The following CNTNAP2 variants were observed in gnomAD, a reference collection of about 807,000 sequenced individuals.
CNTNAP2 encodes contactin associated protein 2, also known as contactin-associated protein-like 2.
In CNTNAP2, 98 loss-of-function variants were observed where a neutral mutation model predicts 155.2. The ratio of observed to expected loss-of-function variants is 0.63; its 90% confidence interval spans 0.54 to 0.75. The LOEUF is 0.75. Ranked by LOEUF, CNTNAP2 falls within the 30% of genes least tolerant of loss-of-function variation. CNTNAP2 has a pLI of 0.00. For missense variants in CNTNAP2, 1,727 were observed against 1,688.1 expected, an observed-to-expected ratio of 1.02 and a Z score of -0.40; for synonymous variants, 651 against 631.2, an observed-to-expected ratio of 1.03 and a Z score of -0.47.
intron 13 of CNTNAP2, among the ~76,000 whole-genome samples, chr7:147,733,801 T>C (rs77179645): frequency 0.97 from 147,343 of 152,294 alleles, 71,434 homozygotes; most frequent in East Asian, 1. Flanking sequence ...GGAATTTACT[T>C]GTGATTTGGC....
At chr7:146,373,068 A>G (rs1795258258) in intron 1 of CNTNAP2, among the ~76,000 whole-genome samples, 2 of 152,202 alleles carry the variant, frequency 1.3e-5, no homozygotes, top group South Asian at 4.1e-4. Context: ...CAGCATGCTG[A>G]ATGGTAAGAT....
At chr7:146,498,424 A>G (rs927581780) in intron 1 of CNTNAP2, among the ~76,000 whole-genome samples, 3 of 152,194 alleles carry the variant, frequency 2.0e-5, no homozygotes, top group African/African-American at 7.2e-5. Flanking sequence ...TATAGATTGC[A>G]ATGCTTGAAA....
intron 15 of CNTNAP2, among the ~76,000 whole-genome samples, chr7:148,010,597 T>A (rs1802061491): frequency 6.6e-6 from 1 of 151,874 alleles, no homozygotes; most frequent in South Asian, 2.1e-4. Flanking sequence ...AAATTTTCCA[T>A]CATCAAACAT....
At chr7:147,819,759 C>T (rs1405281220) in intron 13 of CNTNAP2, among the ~76,000 whole-genome samples, 2 of 152,222 alleles carry the variant, frequency 1.3e-5, no homozygotes, top group African/African-American at 2.4e-5. Context: ...ATTCATTTCA[C>T]CTGTTGTGGA....
chr7:146,117,205 C>T (rs182131597), intron 1 of CNTNAP2: 156 of 556,922 alleles, frequency 2.8e-4, no homozygotes, highest in Non-Finnish European at 3.2e-5. Flanking sequence ...TGTTCCTGGT[C>T]TTGGTGATCG....
intron 9 of CNTNAP2, among the ~76,000 whole-genome samples, chr7:147,368,084 T>C (rs1796272541): frequency 6.9e-5 from 3 of 43,612 alleles, no homozygotes; most frequent in Non-Finnish European, 1.4e-4. Flanking sequence ...CCTCCTTTCC[T>C]CTCTCTCTCT....
At chr7:147,774,371 C>T (rs998955180) in intron 13 of CNTNAP2, among the ~76,000 whole-genome samples, 1 of 152,128 alleles carries the variant, frequency 6.6e-6, no homozygotes, top group Non-Finnish European at 1.5e-5. Flanking sequence ...TGGTTCACTA[C>T]ATGACATAGA....
chr7:148,118,626 A>T (rs1563205117), intron 16 of CNTNAP2, among the ~76,000 whole-genome samples: 1 of 152,144 alleles, frequency 6.6e-6, no homozygotes, highest in South Asian at 2.1e-4. Flanking sequence ...AAAATAGGTG[A>T]GGGGTGTGTG....
intron 3 of CNTNAP2, among the ~76,000 whole-genome samples, chr7:146,929,726 A>T (rs985853780): frequency 6.6e-6 from 1 of 152,348 alleles, no homozygotes. Context: ...AGAATAACCA[A>T]TACAGAGAAG....
At chr7:147,836,679 G>A (rs562969606) in intron 13 of CNTNAP2, among the ~76,000 whole-genome samples, 44 of 152,296 alleles carry the variant, frequency 2.9e-4, no homozygotes, top group African/African-American at 1.0e-3. Flanking sequence ...TCTGACGGCA[G>A]GCACAGGACA....
intron 10 of CNTNAP2, among the ~76,000 whole-genome samples, chr7:147,401,946 CAA>C (rs34474645): frequency 0.17 from 26,573 of 152,110 alleles, 2,934 homozygotes; most frequent in Non-Finnish European, 0.25. Flanking sequence ...TGGACTAAAA[CAA>C]AAGAGGTCAT....
At chr7:146,955,910 C>T (rs1202191823) in intron 3 of CNTNAP2, among the ~76,000 whole-genome samples, 2 of 152,014 alleles carry the variant, frequency 1.3e-5, no homozygotes, top group East Asian at 1.9e-4. Context: ...AGTAAACGGT[C>T]ACTAGTCAGT....
intron 18 of CNTNAP2, among the ~76,000 whole-genome samples, chr7:148,180,468 C>T (rs944881007): frequency 6.6e-6 from 1 of 151,712 alleles, no homozygotes; most frequent in Non-Finnish European, 1.5e-5. Context: ...CCATAGGGAG[C>T]AGGTCTATGC....
chr7:146,537,375 T>C (rs906529596), intron 1 of CNTNAP2, among the ~76,000 whole-genome samples: 2 of 152,140 alleles, frequency 1.3e-5, no homozygotes, highest in African/African-American at 4.8e-5. Flanking sequence ...CTCCTAAACA[T>C]ATAATTTCTT....
intron 3 of CNTNAP2, among the ~76,000 whole-genome samples, chr7:146,853,868 C>T (rs1217093004): frequency 6.6e-6 from 1 of 152,080 alleles, no homozygotes; most frequent in Admixed American, 6.6e-5. Context: ...TTGGAATATG[C>T]AGCTATAATT....
chr7:147,378,561 C>T (rs968745612), intron 9 of CNTNAP2, among the ~76,000 whole-genome samples: 18 of 152,064 alleles, frequency 1.2e-4, no homozygotes, highest in Admixed American at 1.2e-3. Flanking sequence ...ATTAAAATAA[C>T]TGAACTCCTG....
intron 1 of CNTNAP2, among the ~76,000 whole-genome samples, chr7:146,452,216 T>G (rs78616077): frequency 0.01 from 1,526 of 152,220 alleles, 15 homozygotes; most frequent in Middle Eastern, 0.061. Context: ...CTCTTCTATA[T>G]ATTTTGTCTT....
rs759887207 is a variant in CNTNAP2, at chr7:148,147,570, C to T, written c.2634C>T (p.Asn878=). The change falls in exon 17 of 24, where the codon AAC becomes AAT. Residue 878 remains asparagine, a synonymous_variant. Transcript: ENST00000361727. ...TAGTGAGGTCACCAACCCCTCTCAA[C>T]GATGACCAGTGGCACCGGGTCACTG... The part of the protein sequence containing the change: ...EIVVRSPTPL[N]DDQWHRVTAE... 4.4e-5 allele frequency: 71 copies of T among 1,614,008 alleles called. No homozygotes were observed. The Middle Eastern group carries it at 4.9e-4, about 11-fold the overall frequency.
chr7:147,834,745 G>T (rs1001769793), intron 13 of CNTNAP2, among the ~76,000 whole-genome samples: 1 of 152,106 alleles, frequency 6.6e-6, no homozygotes, highest in Non-Finnish European at 1.5e-5. Flanking sequence ...ACTAATTTTT[G>T]TCATAAATAA....
Sources: gnomAD v4.1 joint callset for allele counts (sites outside exome capture counted in the v4.1 genomes callset) on GRCh38, gnomAD v4.1.1 for gene constraint, MANE v1.5 for transcripts, NCBI Gene and HGNC (gene_info 2026-07-23, HGNC 2026-07-21) for gene names.